The following TBRG1 variants were observed in gnomAD, a reference collection of about 807,000 sequenced individuals.
TBRG1 encodes the protein transforming growth factor beta regulator 1.
A neutral mutation model predicts 44.0 loss-of-function variants in TBRG1; 31 were observed. The ratio of observed to expected loss-of-function variants is 0.70; its 90% CI spans 0.53 to 0.95. The LOEUF (loss-of-function observed/expected upper bound fraction) is 0.95, where lower values mean the gene tolerates loss of function less well. TBRG1 is among the 40% of genes least tolerant of loss of function. The pLI is 0.00. For missense variants in TBRG1, 487 were observed against 496.1 expected, an observed-to-expected ratio of 0.98 and a Z score of 0.18; for synonymous variants, 171 against 188.1, an observed-to-expected ratio of 0.91 and a Z score of 0.74.
In TBRG1 at chr11:124,635,227, A is replaced by G. The variant is rs1335080382; in HGVS notation, c.*2989A>G. 2.0e-5 allele frequency: 3 copies of G among 152,256 alleles called. No homozygotes were observed. In the East Asian group the frequency reaches 5.8e-4, roughly 29 times the overall value. 9.4% of individuals were successfully genotyped at this position (152,256 alleles called of 1,614,324 possible). On this transcript the variant is annotated 3_prime_UTR_variant, in exon 9 of 9. Coordinates refer to ENST00000441174, the MANE Select transcript of TBRG1 (RefSeq NM_032811.3). ...ACTTTTTCTCAGGCATCAATCTGTT[A>G]CAAGGTTCATGGTTTCTATGGGGCC... is the stretch of plus-strand genomic sequence containing the variant.
chr11:124,626,590 C>CA lies in TBRG1; in HGVS notation c.573dup (p.Val192SerfsTer3). ...TTCCCCATCGGACTAGGGGGTCTAA[C>CA]AGTATATAGCCTGGGGGAGGTGAGT... On this transcript the variant is annotated frameshift_variant, in exon 4 of 9. Transcript: ENST00000441174. LOFTEE classifies it high-confidence loss of function. The CA allele has an allele frequency of 6.4e-7, 1 of 1,551,592 alleles. No homozygotes were observed. The highest frequency in any genetic ancestry group is 8.7e-7 in the Non-Finnish European group (1 of 1,146,934).
intron 1 of TBRG1, among the ~76,000 whole-genome samples, chr11:124,623,962 C>T (rs1942399587): frequency 6.6e-6 from 1 of 152,234 alleles, no homozygotes; most frequent in South Asian, 2.1e-4. Flanking sequence ...AACAGTTCAT[C>T]TCTTCTCTCT....
chr11:124,631,109 T>C (rs1942600533), intron 7 of TBRG1, 166 bp from the exon 8 acceptor site: 3 of 697,484 alleles, frequency 4.3e-6, no homozygotes, highest in Non-Finnish European at 4.7e-6. Context: ...GACTAATTTG[T>C]CACTAAAGAG....
At chr11:124,630,279 T>C (rs1334417896) in intron 5 of TBRG1, 109 bp from the exon 6 acceptor site, 2 of 782,652 alleles carry the variant, frequency 2.6e-6, no homozygotes, top group Admixed American at 1.7e-5. Flanking sequence ...CTTCTGAAGA[T>C]GGTATACGTC....
In TBRG1 at chr11:124,622,988, C is replaced by T. The variant is rs1942371947; in HGVS notation, c.-96C>T. On this transcript the variant is annotated 5_prime_UTR_variant, in exon 1 of 9. Coordinates refer to ENST00000441174, the MANE Select transcript of TBRG1 (RefSeq NM_032811.3). The stretch of plus-strand genomic sequence containing the variant: ...CTAGATTCCTAGAGGCCCGATTCCG[C>T]TAGCCCGGAACAGACAAAGCCAGCG... The T allele has an allele frequency of 3.7e-6, 5 of 1,340,384 alleles. No homozygotes were observed. The East Asian group carries it at 7.5e-5, about 20-fold the overall frequency. 83.0% of individuals were successfully genotyped at this position (1,340,384 alleles called of 1,614,324 possible). A position where few individuals can be genotyped will look rare whatever the true frequency, so the allele number is the denominator to read the frequency against.
chr11:124,626,017 G>A, intron 3 of TBRG1, 114 bp downstream of exon 3: 1 of 1,378,516 alleles, frequency 7.3e-7, no homozygotes, highest in Non-Finnish European at 9.6e-7. Flanking sequence ...GTCTCATCTG[G>A]TTCTTAAGGA....
At chr11:124,624,348 T>C (rs373017005) in intron 1 of TBRG1, among the ~76,000 whole-genome samples, 3 of 137,418 alleles carry the variant, frequency 2.2e-5, no homozygotes, top group African/African-American at 8.5e-5. Flanking sequence ...GGGAGATAGA[T>C]TGAGTCATCA....
rs79065563 is a variant in TBRG1 at position 124,628,973 on chromosome 11, C to T, written c.739-1415C>T. Reference sequence around the variant, plus strand: ...AAATGGTTAAGTAAAATATATCCACCGTTGTATGTACAGCAATTAGAAGAA... The same window carrying T: ...AAATGGTTAAGTAAAATATATCCACTGTTGTATGTACAGCAATTAGAAGAA... On this transcript the variant is annotated intron_variant, in intron 5 of 8. Transcript: ENST00000441174. 2.3e-4 allele frequency among the ~76,000 whole-genome samples: 35 copies of T among 152,130 alleles called. No individual in the cohort carries two copies. The East Asian group carries it at 5.2e-3, about 23-fold the overall frequency.
In TBRG1 at chr11:124,631,560, T is replaced by TA; in HGVS notation, c.1090+144dup. The stretch of plus-strand genomic sequence containing the variant: ...GAATCAGCCTTGCGGAGTGCTGAGT[T>TA]AGAGGGGGACCTGCGGCCTGCATAG... On this transcript the variant is annotated intron_variant, in intron 8 of 8. Transcript: ENST00000441174. 4 of 898,638 alleles carry TA rather than the reference T, an allele frequency of 4.5e-6. No homozygotes were observed. In the South Asian group the frequency reaches 4.5e-5, roughly 10 times the overall value. The allele number at this position is 898,638 out of a possible 1,614,324, so 55.7% of individuals were successfully genotyped here. A position where few individuals can be genotyped will look rare whatever the true frequency, so the allele number is the denominator to read the frequency against.
In TBRG1 at chr11:124,632,288, TAAACTA is replaced by T; in HGVS notation, c.*54_*59del. 6.3e-7 allele frequency: 1 copy of T among 1,575,706 alleles called. No homozygotes were observed. The highest frequency in any genetic ancestry group is 1.4e-5 in the African/African-American group (1 of 73,768). On this transcript the variant is annotated 3_prime_UTR_variant, in exon 9 of 9. Transcript: ENST00000441174. ...CGTTTTTGTCGTGATTAATTTAACTTAAACTAAAATTTTGGGTATATGAAAGAAGGC... is the reference window on the plus strand; with the variant it reads ...CGTTTTTGTCGTGATTAATTTAACTTAAATTTTGGGTATATGAAAGAAGGC...
rs1227803522 is a variant in TBRG1 at position 124,623,269 on chromosome 11, G to A, written c.150+36G>A. On this transcript the variant is annotated intron_variant, in intron 1 of 8. Coordinates refer to ENST00000441174, the MANE Select transcript of TBRG1 (RefSeq NM_032811.3). Reference sequence around the variant, plus strand: ...CCCACGTTCAGCCGGTCCCCTCCTGGAGACTCCCTCACAAAATCTTTCCCC... The same window carrying A: ...CCCACGTTCAGCCGGTCCCCTCCTGAAGACTCCCTCACAAAATCTTTCCCC... 5.2e-6 allele frequency: 8 copies of A among 1,550,684 alleles called. No individual in the cohort carries two copies. The East Asian group carries it at 1.7e-4, about 33-fold the overall frequency.
Position 124,631,385 on chromosome 11 carries a change from T to A in TBRG1, c.1058T>A (p.Phe353Tyr), listed in dbSNP as rs200519378. 7 of 1,613,948 alleles carry A rather than the reference T, an allele frequency of 4.3e-6. No individual in the cohort carries two copies. Among genetic ancestry groups the A allele is most frequent in the Non-Finnish European group, 5.9e-6 (7 of 1,179,860 alleles). Residue 353 changes from phenylalanine (F) to tyrosine (Y), a missense_variant, in exon 8 of 9, where the codon TTT becomes TAT. Transcript: ENST00000441174. ...MSFEAFQRQI[F>Y]DEDQNDPLLP... ...TTTGAAGCCTTTCAGAGACAGATCTTTGATGAAGATCAGAATGATCCCCTT... is the reference window on the plus strand; with the variant it reads ...TTTGAAGCCTTTCAGAGACAGATCTATGATGAAGATCAGAATGATCCCCTT...
chr11:124,625,150 A>G, intron 2 of TBRG1, 149 bp downstream of exon 2: 1 of 607,226 alleles, frequency 1.6e-6, no homozygotes, highest in Non-Finnish European at 2.9e-6. Context: ...GCACAGAGAA[A>G]CTTACAGCCT....
rs1030961688 is a variant in TBRG1 at position 124,635,442 on chromosome 11, A to G, written c.*3204A>G. ...ACACCAGAACCCCTTGGAACTCTAC[A>G]GAGGGGTAGAACTAAAGCAAAAACC... On this transcript the variant is annotated 3_prime_UTR_variant, in exon 9 of 9. Transcript: ENST00000441174. 11 of 152,326 alleles carry G rather than the reference A, an allele frequency of 7.2e-5. No homozygotes were observed. Among genetic ancestry groups the G allele is most frequent in the African/African-American group, 2.6e-4 (11 of 41,564 alleles). 9.4% of individuals were successfully genotyped at this position (152,326 alleles called of 1,614,324 possible).
chr11:124,625,719 A>C lies in TBRG1; in HGVS notation c.270A>C (p.Glu90Asp), dbSNP rs1045339676. ...LLQLQALTEG[E>D]VQAAAPSHSS... is the part of the protein sequence containing the mutation. ...AGCTTCAGGCTCTAACTGAAGGGGA[A>C]GTACAGGCTGCAGCTCCTTCCCACA... is the stretch of plus-strand genomic sequence containing the variant. Residue 90 changes from glutamate (E) to aspartate (D), a missense_variant, in exon 3 of 9, where the codon GAA (glutamate) becomes GAC (aspartate). By Grantham distance (45) the Glu-to-Asp change is conservative. Coordinates refer to ENST00000441174, the MANE Select transcript of TBRG1 (RefSeq NM_032811.3). 4 of 1,555,460 alleles carry C rather than the reference A, an allele frequency of 2.6e-6. No homozygotes were observed. The highest frequency in any genetic ancestry group is 3.5e-6 in the Non-Finnish European group (4 of 1,148,634).
chr11:124,626,861 C>T, intron 4 of TBRG1, 43 bp from the exon 5 acceptor site: 1 of 1,583,738 alleles, frequency 6.3e-7, no homozygotes, highest in Non-Finnish European at 8.6e-7. Flanking sequence ...CTTCTAAATT[C>T]TTCAGTGACC....
Position 124,630,373 on chromosome 11 carries a change from G to A in TBRG1, c.739-15G>A, listed in dbSNP as rs756659677. ...TTCTTGAGGATTGATCTCATTGCTC[G>A]TTTGTCTTTCTCAGTTTGAAATTGT... On this transcript the variant is annotated splice_polypyrimidine_tract_variant and intron_variant, in intron 5 of 8. Transcript: ENST00000441174. 43 of 1,562,388 alleles carry A rather than the reference G, an allele frequency of 2.8e-5. No individual in the cohort carries two copies. Among genetic ancestry groups the A allele is most frequent in the African/African-American group, 8.1e-5 (6 of 73,826 alleles).
intron 3 of TBRG1, among the ~76,000 whole-genome samples, chr11:124,626,253 A>G (rs923824492): frequency 2.6e-5 from 4 of 152,238 alleles, no homozygotes; most frequent in Non-Finnish European, 5.9e-5. Flanking sequence ...TTACAGATGA[A>G]ATAAGAGGCC....
rs769402736 is a variant in TBRG1, at chr11:124,623,175, A to G, written c.92A>G (p.Asn31Ser). The G allele has an allele frequency of 3.9e-6, 6 of 1,551,698 alleles. No individual in the cohort carries two copies. Among genetic ancestry groups the G allele is most frequent in the Middle Eastern group, 1.7e-4 (1 of 5,992 alleles). Residue 31 changes from asparagine to serine, a missense_variant, in exon 1 of 9, where the codon AAT becomes AGT. By Grantham distance (46) the Asn-to-Ser change is conservative. Transcript: ENST00000441174. ...AAAAAGCTCCCGAAGAAGAGCCAGAATGAGAAGTACCGGCTGAAGTACCTG... is the reference window on the plus strand; with the variant it reads ...AAAAAGCTCCCGAAGAAGAGCCAGAGTGAGAAGTACCGGCTGAAGTACCTG... ...RMKKLPKKSQ[N>S]EKYRLKYLRL...
Sources: gnomAD v4.1 joint callset for allele counts (sites outside exome capture counted in the v4.1 genomes callset) on GRCh38, gnomAD v4.1.1 for gene constraint, MANE v1.5 for transcripts, NCBI Gene and HGNC (gene_info 2026-07-23, HGNC 2026-07-21) for gene names.